NMT2: variants seen among roughly 807,000 people sequenced by gnomAD.
The protein encoded by NMT2 is N-myristoyltransferase 2, also known as glycylpeptide N-tetradecanoyltransferase 2.
NMT2 carries 35 observed loss-of-function variants against 65.4 expected under a neutral mutation model. The ratio of observed to expected loss-of-function variants is 0.54; its 90% CI spans 0.41 to 0.71. The LOEUF is 0.71. Ranked by LOEUF, NMT2 falls within the 30% of genes least tolerant of loss-of-function variation. NMT2 has a pLI of 0.00. For missense variants in NMT2, 489 were observed against 611.3 expected (o/e 0.80, Z 2.11); for synonymous variants, 226 against 231.8 (o/e 0.98, Z 0.23).
Position 15,119,120 on chromosome 10 carries a change from C to T in NMT2, c.1170+223G>A, listed in dbSNP as rs570752643. On this transcript the variant is annotated intron_variant, in intron 9 of 11. Transcript: ENST00000378165. Reference sequence around the variant, plus strand: ...GACCACACTCATGGTTACCATATTCCTCAACACCACACCCTCATGGTTCAA... The same window carrying T: ...GACCACACTCATGGTTACCATATTCTTCAACACCACACCCTCATGGTTCAA... 2.0e-5 allele frequency among the ~76,000 whole-genome samples: 3 copies of T among 152,360 alleles called. No homozygotes were observed. In the South Asian group the frequency reaches 6.2e-4, roughly 32 times the overall value.
At chr10:15,130,851 G>A (rs1362567580) in intron 6 of NMT2, among the ~76,000 whole-genome samples, 15 of 140,334 alleles carry the variant, frequency 1.1e-4, no homozygotes, top group African/African-American at 2.2e-4. Context: ...GTGCAATGGC[G>A]CAATCTTGGC....
rs1845318122 is a variant in NMT2, at chr10:15,106,794, G to A, written c.*2401C>T. The A allele has an allele frequency of 3.4e-6, 1 of 295,218 alleles. No individual in the cohort carries two copies. The highest frequency in any genetic ancestry group is 6.5e-5 in the Admixed American group (1 of 15,444). 18.3% of individuals were successfully genotyped at this position (295,218 alleles called of 1,614,324 possible). A position where few individuals can be genotyped will look rare whatever the true frequency, so the allele number is the denominator to read the frequency against. The stretch of plus-strand genomic sequence containing the variant: ...GCTTTGTAGTGTGAAGCAGCCATAG[G>A]CAATATGTAAATGAAAGTGGCTGTG... On this transcript the variant is annotated 3_prime_UTR_variant, in exon 12 of 12. Coordinates refer to ENST00000378165, the MANE Select transcript of NMT2 (RefSeq NM_004808.3).
At chr10:15,141,708 G>T in intron 1 of NMT2, 151 bp from the exon 2 acceptor site, 1 of 1,064,668 alleles carries the variant, frequency 9.4e-7, no homozygotes, top group Non-Finnish European at 1.3e-6. Context: ...ATAAAAGGTA[G>T]TGGAGTGAAG....
At chr10:15,162,448 A>T (rs1363045969) in intron 1 of NMT2, among the ~76,000 whole-genome samples, 1 of 152,148 alleles carries the variant, frequency 6.6e-6, no homozygotes. Context: ...GAGCTATTTA[A>T]ATTTAAATTA....
rs1433902138 is a variant in NMT2, at chr10:15,132,829, C to T, written c.707G>A (p.Arg236Gln). ...GFISAIPANI[R>Q]IYDSVKKMVE... ...CTTAAACATGTACCTGTCATAAATCCGAATGTTTGCTGGGATGGCACTTAT... is the reference window on the plus strand; with the variant it reads ...CTTAAACATGTACCTGTCATAAATCTGAATGTTTGCTGGGATGGCACTTAT... Residue 236 changes from arginine to glutamine, a missense_variant, in exon 6 of 12, where the codon CGG becomes CAG. By Grantham distance (43) the Arg-to-Gln change is conservative (BLOSUM62 1). Transcript: ENST00000378165. 5.6e-6 allele frequency: 9 copies of T among 1,608,878 alleles called. No individual in the cohort carries two copies. Among genetic ancestry groups the T allele is most frequent in the African/African-American group, 1.3e-5 (1 of 74,608 alleles).
chr10:15,162,619 A>G (rs897736529), intron 1 of NMT2, among the ~76,000 whole-genome samples: 2 of 152,040 alleles, frequency 1.3e-5, no homozygotes, highest in African/African-American at 4.8e-5. Flanking sequence ...ACCCAGGTAC[A>G]GTAAGATCCC....
In NMT2 at chr10:15,108,007, TAAGTA is replaced by T; in HGVS notation, c.*1183_*1187del. The T allele has an allele frequency of 2.0e-6, 2 of 985,836 alleles. No individual in the cohort carries two copies. Among genetic ancestry groups the T allele is most frequent in the Non-Finnish European group, 1.2e-6 (1 of 829,918 alleles). The allele number at this position is 985,836 out of a possible 1,614,324, so 61.1% of individuals were successfully genotyped here. A position where few individuals can be genotyped will look rare whatever the true frequency, so the allele number is the denominator to read the frequency against. On this transcript the variant is annotated 3_prime_UTR_variant, in exon 12 of 12. Transcript: ENST00000378165. ...ATAGAGGAGTATGTGCAATTTTGCATAAGTAATAAAAACATTCAAACTATCAATGC... is the reference window on the plus strand; with the variant it reads ...ATAGAGGAGTATGTGCAATTTTGCATATAAAAACATTCAAACTATCAATGC...
chr10:15,119,363 T>C lies in NMT2; in HGVS notation c.1150A>G (p.Ile384Val), dbSNP rs2131499983. Residue 384 changes from isoleucine (I) to valine (V), a missense_variant, in exon 9 of 12, where the codon ATT becomes GTT. Physicochemically the swap from Ile to Val is conservative, Grantham distance 29. Transcript: ENST00000378165. Reference sequence around the variant, plus strand: ...TTTACCTCCACTACAAACGTGTCAATAATGTGCTCCCGGGGGAGGAACCAG... The same window carrying C: ...TTTACCTCCACTACAAACGTGTCAACAATGTGCTCCCGGGGGAGGAACCAG... Reference protein sequence around the residue: ...AHWFLPREHIIDTFVVESPNG... With the variant: ...AHWFLPREHIVDTFVVESPNG... 6.2e-7 allele frequency: 1 copy of C among 1,614,196 alleles called. No individual in the cohort carries two copies. Among genetic ancestry groups the C allele is most frequent in the African/African-American group, 1.3e-5 (1 of 75,060 alleles).
chr10:15,161,109 A>C lies in NMT2; in HGVS notation c.110+7394T>G, dbSNP rs961342811. Among the ~76,000 whole-genome samples, 12 of 146,104 alleles carry C rather than the reference A, an allele frequency of 8.2e-5. 1 individual carries two copies. Among genetic ancestry groups the C allele is most frequent in the Admixed American group, 2.7e-4 (4 of 14,664 alleles). On this transcript the variant is annotated intron_variant, in intron 1 of 11. Transcript: ENST00000378165. ...AAAAAAAAAAAAAAAAAAAAAAAAA[A>C]ACACAAAGAAAACAACATCTGTACC...
chr10:15,143,287 A>ATGGTGGACATGCC (rs1208366090), intron 1 of NMT2, among the ~76,000 whole-genome samples: 2 of 152,234 alleles, frequency 1.3e-5, no homozygotes, highest in Non-Finnish European at 2.9e-5. Flanking sequence ...GACCAAAATC[A>ATGGTGGACATGCC]TGGTGGACAT....
At chr10:15,116,167 C>T (rs545681162) in intron 9 of NMT2, among the ~76,000 whole-genome samples, 4 of 152,258 alleles carry the variant, frequency 2.6e-5, no homozygotes, top group African/African-American at 9.6e-5. Context: ...CAAGACAGTC[C>T]ATATCCCGAG....
intron 8 of NMT2, among the ~76,000 whole-genome samples, chr10:15,123,886 T>A (rs905380584): frequency 6.6e-6 from 1 of 152,162 alleles, no homozygotes; most frequent in Admixed American, 6.6e-5. Flanking sequence ...AGAGCTCTAT[T>A]AAAAAACAGT....
At chr10:15,127,174 G>A (rs1346338729) in intron 8 of NMT2, among the ~76,000 whole-genome samples, 1 of 151,956 alleles carries the variant, frequency 6.6e-6, no homozygotes, top group Non-Finnish European at 1.5e-5. Flanking sequence ...GGCGGAGGTT[G>A]CAGTGAGCCA....
chr10:15,145,799 C>T (rs4330986), intron 1 of NMT2, among the ~76,000 whole-genome samples: 13,390 of 152,222 alleles, frequency 0.088, 738 homozygotes, highest in Middle Eastern at 0.23. Context: ...ATGGCCAGAG[C>T]AGATCAGGAG....
At chr10:15,158,561 A>G (rs17356597) in intron 1 of NMT2, among the ~76,000 whole-genome samples, 12,282 of 152,224 alleles carry the variant, frequency 0.081, 608 homozygotes, top group East Asian at 0.14. Context: ...AATCTTTAGT[A>G]AGTTACAAAC....
intron 10 of NMT2, 109 bp from the exon 11 acceptor site, chr10:15,109,948 G>A: frequency 1.1e-6 from 1 of 889,790 alleles, no homozygotes. Flanking sequence ...ATTTCTAATA[G>A]GATTTAACGT....
chr10:15,168,405 G>T (rs766905087), intron 1 of NMT2, 98 bp downstream of exon 1: 13 of 864,386 alleles, frequency 1.5e-5, no homozygotes, highest in South Asian at 1.2e-4. Flanking sequence ...CGGAGCGGCC[G>T]AAGAACCCCC....
chr10:15,123,461 G>A (rs938542097), intron 8 of NMT2, among the ~76,000 whole-genome samples: 1 of 151,104 alleles, frequency 6.6e-6, no homozygotes, highest in African/African-American at 2.4e-5. Context: ...TCCAGGAGGC[G>A]GGGGTTGCAG....
Position 15,151,781 on chromosome 10 carries a change from T to C in NMT2, c.111-10224A>G, listed in dbSNP as rs184608001. ...GGCTCATGCCGGTAATCCCAGCACTTTGGGAGGCTGAGGCAGGTGGATCAC... is the reference window on the plus strand; with the variant it reads ...GGCTCATGCCGGTAATCCCAGCACTCTGGGAGGCTGAGGCAGGTGGATCAC... On this transcript the variant is annotated intron_variant, in intron 1 of 11. Coordinates refer to ENST00000378165, the MANE Select transcript of NMT2 (RefSeq NM_004808.3). 1.6e-3 allele frequency among the ~76,000 whole-genome samples: 245 copies of C among 152,252 alleles called. 1 individual carries two copies. The highest frequency in any genetic ancestry group is 5.5e-3 in the African/African-American group (230 of 41,546).
Sources: gnomAD v4.1 joint callset for allele counts (sites outside exome capture counted in the v4.1 genomes callset) on GRCh38, gnomAD v4.1.1 for gene constraint, MANE v1.5 for transcripts, NCBI Gene and HGNC (gene_info 2026-07-23, HGNC 2026-07-21) for gene names.